QTMAN: variants seen among roughly 807,000 people sequenced by gnomAD.
The protein encoded by QTMAN is tRNA-queuosine alpha-mannosyltransferase.
At chr2:144,329,203 T>C in the QTMAN span, among the ~76,000 whole-genome samples, 342 of 151,598 alleles carry the variant, frequency 2.3e-3, no homozygotes, top group Middle Eastern at 3.4e-3. Context: ...TATCACACCA[T>C]TGCAATCCAG....
the QTMAN span, among the ~76,000 whole-genome samples, chr2:144,159,871 T>C: frequency 2.0e-5 from 3 of 152,090 alleles, no homozygotes; most frequent in Non-Finnish European, 2.9e-5. Context: ...GTAGAGGACC[T>C]TGAATGCAAG....
At chr2:144,053,935 C>T in the QTMAN span, among the ~76,000 whole-genome samples, 1 of 152,188 alleles carries the variant, frequency 6.6e-6, no homozygotes, top group Non-Finnish European at 1.5e-5. Flanking sequence ...CGCCTGTAAT[C>T]CCAGCACTTT....
At chr2:143,980,685 CTTCT>C in the QTMAN span, among the ~76,000 whole-genome samples, 4 of 152,178 alleles carry the variant, frequency 2.6e-5, no homozygotes, top group African/African-American at 9.7e-5. Context: ...CTAGCCATTT[CTTCT>C]TTCATAAATA....
chr2:144,107,219 G>A, the QTMAN span, among the ~76,000 whole-genome samples: 9,298 of 152,044 alleles, frequency 0.061, 956 homozygotes, highest in African/African-American at 0.21. Context: ...GAGCAAACAC[G>A]TTCAAAAGCT....
chr2:144,014,886 C>A, the QTMAN span, among the ~76,000 whole-genome samples: 1 of 152,160 alleles, frequency 6.6e-6, no homozygotes, highest in Admixed American at 6.5e-5. Flanking sequence ...TTCCAGATAA[C>A]CTTATTTATA....
chr2:143,991,714 C>T, the QTMAN span, among the ~76,000 whole-genome samples: 20 of 139,886 alleles, frequency 1.4e-4, no homozygotes, highest in Non-Finnish European at 2.3e-4. Flanking sequence ...CCCGGCCAGT[C>T]GCCCCGTCCG....
chr2:144,309,295 C>T, the QTMAN span, among the ~76,000 whole-genome samples: 3 of 152,154 alleles, frequency 2.0e-5, no homozygotes, highest in East Asian at 5.8e-4. Context: ...AAGCCTATTT[C>T]CACAAAGGCT....
the QTMAN span, among the ~76,000 whole-genome samples, chr2:144,193,655 G>A: frequency 6.6e-6 from 1 of 151,660 alleles, no homozygotes; most frequent in African/African-American, 2.4e-5. Context: ...CAAGTAACTG[G>A]AACTACAGGT....
the QTMAN span, chr2:143,938,308 TACTGG>T: frequency 6.6e-6 from 1 of 152,232 alleles, no homozygotes; most frequent in East Asian, 1.9e-4. Flanking sequence ...GGATTTAAGA[TACTGG>T]TTAAACTCCA....
chr2:143,947,162 G>C, the QTMAN span: 1 of 1,515,234 alleles, frequency 6.6e-7, no homozygotes. Flanking sequence ...GGAGAGAAGA[G>C]AAAGAAGTGA....
chr2:144,160,758 GTCTT>G, the QTMAN span, among the ~76,000 whole-genome samples: 1 of 152,110 alleles, frequency 6.6e-6, no homozygotes, highest in African/African-American at 2.4e-5. Flanking sequence ...ACCAAATCGT[GTCTT>G]TCTATCTGTG....
chr2:144,204,213 TA>T, the QTMAN span, among the ~76,000 whole-genome samples: 2 of 152,064 alleles, frequency 1.3e-5, no homozygotes, highest in African/African-American at 4.8e-5. Context: ...ACAGGCAACC[TA>T]AAGAATGGGA....
At chr2:144,106,421 C>G in the QTMAN span, among the ~76,000 whole-genome samples, 2 of 152,014 alleles carry the variant, frequency 1.3e-5, no homozygotes, top group African/African-American at 4.8e-5. Flanking sequence ...ATCTACCAAG[C>G]AAATGGAAAA....
At chr2:144,240,811 G>C in the QTMAN span, among the ~76,000 whole-genome samples, 1 of 152,110 alleles carries the variant, frequency 6.6e-6, no homozygotes, top group African/African-American at 2.4e-5. Flanking sequence ...GCATAAAAAC[G>C]ACACACTACT....
chr2:144,308,170 T>G, the QTMAN span, among the ~76,000 whole-genome samples: 11 of 146,824 alleles, frequency 7.5e-5, no homozygotes, highest in African/African-American at 1.5e-4. Context: ...TTGTTTTTTT[T>G]TTTTTTTTTT....
the QTMAN span, among the ~76,000 whole-genome samples, chr2:144,281,353 C>G: frequency 1.2e-5 from 1 of 81,922 alleles, no homozygotes; most frequent in African/African-American, 4.8e-5. Flanking sequence ...ACAAGATATA[C>G]AAAATATTTA....
At chr2:144,311,029 T>A in the QTMAN span, among the ~76,000 whole-genome samples, 1 of 152,228 alleles carries the variant, frequency 6.6e-6, no homozygotes, top group African/African-American at 2.4e-5. Context: ...GGATTGTTTG[T>A]GTGTTTTCTG....
chr2:143,957,902 G>A, the QTMAN span, among the ~76,000 whole-genome samples: 70 of 152,234 alleles, frequency 4.6e-4, no homozygotes, highest in Admixed American at 2.8e-3. Context: ...GCTGAGTGAA[G>A]GGAGGTTTAG....
At chr2:144,177,116 A>C in the QTMAN span, 1 of 700,344 alleles carries the variant, frequency 1.4e-6, no homozygotes, top group Non-Finnish European at 2.6e-6. Flanking sequence ...TGATCCAATC[A>C]CCTCCCACCA....
Sources: gnomAD v4.1 joint callset for allele counts (sites outside exome capture counted in the v4.1 genomes callset) on GRCh38, gnomAD v4.1.1 for gene constraint, MANE v1.5 for transcripts, NCBI Gene and HGNC (gene_info 2026-07-23, HGNC 2026-07-21) for gene names.